Variants in ACACA observed in about 807,000 individuals in gnomAD.
ACACA encodes acetyl-CoA carboxylase 1.
ACACA carries 103 observed loss-of-function variants against 296.1 expected under a neutral mutation model. The ratio of observed to expected loss-of-function variants is 0.35; its 90% CI spans 0.30 to 0.41. ACACA has a LOEUF of 0.41. ACACA is among the 10% of genes least tolerant of loss of function. The pLI is 1.00. For synonymous variants in ACACA, 953 were observed against 1,038.6 expected, an observed-to-expected ratio of 0.92 and a Z score of 1.58; for missense variants, 1,554 against 2,989.7, an observed-to-expected ratio of 0.52 and a Z score of 11.20.
intron 3 of ACACA, among the ~76,000 whole-genome samples, chr17:37,311,015 G>A (rs766314001): frequency 1.3e-5 from 2 of 152,068 alleles, no homozygotes; most frequent in Non-Finnish European, 2.9e-5. Context: ...GAAAAAAGTA[G>A]TCACTTGTAT....
chr17:37,291,015 G>A (rs1437283685), intron 3 of ACACA, among the ~76,000 whole-genome samples: 1 of 148,618 alleles, frequency 6.7e-6, no homozygotes, highest in Non-Finnish European at 1.5e-5. Flanking sequence ...CTGGGAGGTA[G>A]AGGTTGCAGT....
intron 3 of ACACA, among the ~76,000 whole-genome samples, chr17:37,304,422 A>C (rs969392604): frequency 1.3e-5 from 2 of 152,176 alleles, no homozygotes; most frequent in Non-Finnish European, 2.9e-5. Context: ...TCCCAAAAGC[A>C]CTGGGATTAC....
intron 52 of ACACA, among the ~76,000 whole-genome samples, chr17:37,100,630 C>CAAAAAAAA (rs35888166): frequency 9.5e-6 from 1 of 105,440 alleles, no homozygotes; most frequent in African/African-American, 3.4e-5. Flanking sequence ...GACCGCCCCT[C>CAAAAAAAA]AAAAAAAAAA....
At chr17:37,333,578 C>T (rs975841672) in intron 2 of ACACA, among the ~76,000 whole-genome samples, 1 of 152,018 alleles carries the variant, frequency 6.6e-6, no homozygotes, top group Admixed American at 6.6e-5. Context: ...AGGAAAAATA[C>T]TTTTGCCTGC....
Position 37,339,818 on chromosome 17 carries a change from ACTGT to A in ACACA, c.67_70del (p.Thr23Ter). ...TTGTAACTGACCTCTTATAATTCTT[ACTGT>A]CTGAGTAGATATCCACTTCCAAAAA... On this transcript the variant is annotated frameshift_variant, in exon 2 of 56. Coordinates refer to ENST00000616317, the MANE Select transcript of ACACA (RefSeq NM_198834.3). LOFTEE classifies it high-confidence loss of function. 1 of 1,386,948 alleles carries A rather than the reference ACTGT, an allele frequency of 7.2e-7. No homozygotes were observed. Among genetic ancestry groups the A allele is most frequent in the Non-Finnish European group, 1.0e-6 (1 of 980,572 alleles). 85.9% of individuals were successfully genotyped at this position (1,386,948 alleles called of 1,614,324 possible).
chr17:37,295,794 G>A (rs2083298246), intron 3 of ACACA, among the ~76,000 whole-genome samples: 2 of 152,008 alleles, frequency 1.3e-5, no homozygotes, highest in Non-Finnish European at 2.9e-5. Flanking sequence ...GCGTGGTGGT[G>A]GGCACCTATA....
chr17:37,276,535 C>T (rs2082291412), intron 7 of ACACA, among the ~76,000 whole-genome samples: 2 of 152,188 alleles, frequency 1.3e-5, no homozygotes, highest in African/African-American at 4.8e-5. Context: ...GAGAAAAATA[C>T]TTTGAGCTAT....
At chr17:37,285,710 T>TG (rs2082734922) in intron 3 of ACACA, among the ~76,000 whole-genome samples, 1 of 80,764 alleles carries the variant, frequency 1.2e-5, no homozygotes, top group Non-Finnish European at 2.5e-5. Flanking sequence ...TTACTTGGGG[T>TG]GGGGGGTGGG....
At chr17:37,328,831 C>T (rs2047732988) in intron 3 of ACACA, 3 of 398,288 alleles carry the variant, frequency 7.5e-6, no homozygotes, top group Non-Finnish European at 1.3e-5. Flanking sequence ...CAACAATCAC[C>T]TGGATACCTT....
In ACACA at chr17:37,283,120, C is replaced by T. The variant is rs190880417; in HGVS notation, c.610+147G>A. Reference sequence around the variant, plus strand: ...CATTTTTATATGTCTATTACTGACACATTTTAAACAGAAATTATTTTAAAA... The same window carrying T: ...CATTTTTATATGTCTATTACTGACATATTTTAAACAGAAATTATTTTAAAA... On this transcript the variant is annotated intron_variant, in intron 5 of 55. Transcript: ENST00000616317. 33 of 970,278 alleles carry T rather than the reference C, an allele frequency of 3.4e-5. No homozygotes were observed. The East Asian group carries it at 6.1e-4, about 18-fold the overall frequency. 60.1% of individuals were successfully genotyped at this position (970,278 alleles called of 1,614,324 possible). A position where few individuals can be genotyped will look rare whatever the true frequency, so the allele number is the denominator to read the frequency against.
At position 37,311,105 on chromosome 17, in the gene ACACA, T is replaced by A. The variant is rs182258741; in HGVS notation, c.338+19068A>T. On this transcript the variant is annotated intron_variant, in intron 3 of 55. Transcript: ENST00000616317. ...CAATACAGTAGTCATTAGTGGTTTT[T>A]ACGAGAGCAGTTTCAATAGCATAGT... Among the ~76,000 whole-genome samples, 679 of 152,338 alleles carry A rather than the reference T, an allele frequency of 4.5e-3. 2 individuals are homozygous for A. The highest frequency in any genetic ancestry group is 7.2e-3 in the Non-Finnish European group (487 of 68,032).
At chr17:37,257,594 T>C in intron 14 of ACACA, 109 bp downstream of exon 14, 2 of 1,099,398 alleles carry the variant, frequency 1.8e-6, no homozygotes, top group Non-Finnish European at 2.7e-6. Flanking sequence ...AAAAGGTTGT[T>C]CATATTATTA....
At chr17:37,269,605 A>C (rs2081975982) in intron 10 of ACACA, among the ~76,000 whole-genome samples, 1 of 152,166 alleles carries the variant, frequency 6.6e-6, no homozygotes, top group African/African-American at 2.4e-5. Flanking sequence ...ATGCATTATC[A>C]CTTGCACAGT....
At chr17:37,119,641 C>CACACAA (rs1212812054) in intron 50 of ACACA, among the ~76,000 whole-genome samples, 7 of 133,240 alleles carry the variant, frequency 5.3e-5, no homozygotes, top group African/African-American at 2.0e-4. Context: ...CACACACACA[C>CACACAA]AATCAACCTA....
At chr17:37,232,717 G>T (rs144952428) in intron 25 of ACACA, among the ~76,000 whole-genome samples, 241 of 152,122 alleles carry the variant, frequency 1.6e-3, no homozygotes, top group Non-Finnish European at 2.8e-3. Flanking sequence ...TATTTGAAAA[G>T]AAATTAATGA....
intron 1 of ACACA, among the ~76,000 whole-genome samples, chr17:37,364,478 C>T (rs1435125309): frequency 6.6e-6 from 1 of 151,466 alleles, no homozygotes; most frequent in Non-Finnish European, 1.5e-5. Context: ...CCTATAATCC[C>T]AGCTACTTAC....
intron 1 of ACACA, among the ~76,000 whole-genome samples, chr17:37,390,330 A>ATATATATATATC (rs1386032855): frequency 0.013 from 535 of 41,548 alleles, 79 homozygotes; most frequent in Middle Eastern, 0.1. Context: ...ATATATATAT[A>ATATATATATATC]TATAAAAGGC....
rs2077627383 is a variant in ACACA at position 37,188,603 on chromosome 17, C to T, written c.4573-123G>A. 3 of 1,003,112 alleles carry T rather than the reference C, an allele frequency of 3.0e-6. No homozygotes were observed. In the African/African-American group the frequency reaches 4.8e-5, roughly 16 times the overall value. The allele number at this position is 1,003,112 out of a possible 1,614,324, so 62.1% of individuals were successfully genotyped here. On this transcript the variant is annotated intron_variant, in intron 38 of 55. Transcript: ENST00000616317. ...AAAGAGGTTGGTTTGTGGAGATGCA[C>T]ACCTTACAAAAAGTGGTCAGATAGT...
intron 3 of ACACA, among the ~76,000 whole-genome samples, chr17:37,310,138 A>G (rs1350432149): frequency 1.3e-5 from 2 of 152,220 alleles, no homozygotes. Flanking sequence ...TAGTTAGGTG[A>G]TCATTCTAAT....
Sources: allele counts gnomAD v4.1 joint callset (sites outside exome capture counted in the v4.1 genomes callset), GRCh38; gene constraint gnomAD v4.1.1; transcripts MANE v1.5; gene names NCBI Gene and HGNC (gene_info 2026-07-23, HGNC 2026-07-21).